The following WDR7 variants were observed in gnomAD, a reference collection of about 807,000 sequenced individuals.
WDR7 encodes the protein WD repeat-containing protein 7.
A neutral mutation model predicts 169.4 loss-of-function variants in WDR7; 46 were observed. The ratio of observed to expected loss-of-function variants is 0.27; its 90% CI spans 0.21 to 0.35. The LOEUF (loss-of-function observed/expected upper bound fraction) is 0.35. Ranked by LOEUF, WDR7 falls within the 10% of genes least tolerant of loss-of-function variation. The pLI is 1.00. For missense variants in WDR7, 1,534 were observed against 1,859.3 expected, an observed-to-expected ratio of 0.83 and a Z score of 3.22; for synonymous variants, 612 against 666.8, an observed-to-expected ratio of 0.92 and a Z score of 1.27.
chr18:56,879,601 T>C (rs1561211), intron 20 of WDR7, among the ~76,000 whole-genome samples: 103,043 of 151,978 alleles, frequency 0.68, 37,144 homozygotes, highest in East Asian at 0.84. Context: ...TGAAATCCTA[T>C]GTAAAATTTT....
chr18:56,706,390 G>A (rs986684822), intron 12 of WDR7, among the ~76,000 whole-genome samples: 7 of 152,164 alleles, frequency 4.6e-5, no homozygotes, highest in Non-Finnish European at 8.8e-5. Flanking sequence ...ACCGTCAATT[G>A]GTCAGTGAGA....
chr18:56,754,832 G>C (rs1244286901), intron 14 of WDR7, among the ~76,000 whole-genome samples: 1 of 152,026 alleles, frequency 6.6e-6, no homozygotes, highest in Non-Finnish European at 1.5e-5. Context: ...AAATATATTG[G>C]ATCAAACAAT....
intron 20 of WDR7, among the ~76,000 whole-genome samples, chr18:56,849,624 C>G (rs2045613841): frequency 6.6e-6 from 1 of 152,212 alleles, no homozygotes. Context: ...TTTGTAGTCT[C>G]TGATGTTCTT....
intron 16 of WDR7, among the ~76,000 whole-genome samples, chr18:56,759,461 G>A (rs1481305178): frequency 6.6e-6 from 1 of 152,044 alleles, no homozygotes; most frequent in African/African-American, 2.4e-5. Context: ...ATTAGGAGAT[G>A]GAGGAGAAGA....
intron 25 of WDR7, among the ~76,000 whole-genome samples, chr18:56,954,510 A>G (rs550709669): frequency 6.6e-6 from 1 of 152,274 alleles, no homozygotes; most frequent in East Asian, 1.9e-4. Flanking sequence ...AGAAAACTAT[A>G]TGTGAAGATC....
chr18:56,830,182 C>A (rs539612930), intron 20 of WDR7, among the ~76,000 whole-genome samples: 1 of 152,066 alleles, frequency 6.6e-6, no homozygotes, highest in African/African-American at 2.4e-5. Flanking sequence ...GTTTCAGTTG[C>A]GTTGATTTTG....
intron 20 of WDR7, among the ~76,000 whole-genome samples, chr18:56,819,539 A>G (rs769232761): frequency 5.9e-5 from 9 of 152,194 alleles, no homozygotes; most frequent in Non-Finnish European, 1.3e-4. Context: ...TAAATTATAT[A>G]TCATAGACAT....
chr18:56,870,779 G>T (rs1321745167), intron 20 of WDR7, among the ~76,000 whole-genome samples: 1 of 152,126 alleles, frequency 6.6e-6, no homozygotes, highest in Non-Finnish European at 1.5e-5. Flanking sequence ...GAGCCACCAT[G>T]CCCAGCCTCA....
At chr18:56,967,600 T>A (rs2047428388) in intron 26 of WDR7, among the ~76,000 whole-genome samples, 1 of 151,494 alleles carries the variant, frequency 6.6e-6, no homozygotes, top group Non-Finnish European at 1.5e-5. Flanking sequence ...ATCTCACTGA[T>A]TTCTAATCCT....
chr18:56,851,509 C>T (rs2045640470), intron 20 of WDR7, among the ~76,000 whole-genome samples: 1 of 152,184 alleles, frequency 6.6e-6, no homozygotes, highest in South Asian at 2.1e-4. Flanking sequence ...TCATACTTGT[C>T]TCTTTACTTG....
chr18:56,959,140 A>C (rs73444829), intron 25 of WDR7, among the ~76,000 whole-genome samples: 1,672 of 152,202 alleles, frequency 0.011, 32 homozygotes, highest in African/African-American at 0.038. Context: ...TGAGGGCACG[A>C]GCAATGGCAG....
At chr18:56,835,094 C>G (rs1483410996) in intron 20 of WDR7, among the ~76,000 whole-genome samples, 1 of 152,136 alleles carries the variant, frequency 6.6e-6, no homozygotes, top group Non-Finnish European at 1.5e-5. Context: ...TAAAGTAACC[C>G]TTTTGCAGTG....
At chr18:56,900,380 A>G (rs1490501274) in intron 21 of WDR7, among the ~76,000 whole-genome samples, 1 of 151,976 alleles carries the variant, frequency 6.6e-6, no homozygotes, top group Non-Finnish European at 1.5e-5. Flanking sequence ...TTGAAGGGAG[A>G]TGGAGAGGAA....
chr18:56,959,794 A>G (rs1262893348), intron 25 of WDR7, among the ~76,000 whole-genome samples: 1 of 152,172 alleles, frequency 6.6e-6, no homozygotes, highest in Non-Finnish European at 1.5e-5. Flanking sequence ...GGAGCAAGTA[A>G]TGCATCTTGC....
Position 56,691,804 on chromosome 18 carries a change from G to A in WDR7, c.953G>A (p.Arg318Gln), listed in dbSNP as rs148417337. 1.5e-5 allele frequency: 24 copies of A among 1,607,890 alleles called. No homozygotes were observed. In the African/African-American group the frequency reaches 2.0e-4, roughly 13 times the overall value. The change falls in exon 9 of 28, where the codon CGA (arginine) becomes CAA (glutamine). Residue 318 changes from arginine to glutamine, a missense_variant. Physicochemically the swap from Arg to Gln is conservative, Grantham distance 43. Coordinates refer to ENST00000254442, the MANE Select transcript of WDR7 (RefSeq NM_015285.3). ...CCTGTACAACATATCCTCTTGGATC[G>A]AAAAGATAAAGAGGTAAAATTCTTG... The part of the protein sequence containing the change: ...IPPVQHILLD[R>Q]KDKELLICPP...
intron 26 of WDR7, among the ~76,000 whole-genome samples, chr18:56,967,697 A>C (rs1196992865): frequency 6.6e-6 from 1 of 152,210 alleles, no homozygotes; most frequent in African/African-American, 2.4e-5. Flanking sequence ...TGAAGTTTGT[A>C]CAGTCATCCT....
At chr18:57,019,979 C>T (rs574447898) in intron 26 of WDR7, among the ~76,000 whole-genome samples, 1 of 152,256 alleles carries the variant, frequency 6.6e-6, no homozygotes, top group Admixed American at 6.5e-5. Flanking sequence ...GCTTAGTATC[C>T]AATGTCTTCT....
chr18:56,723,990 C>T (rs2026380888), intron 13 of WDR7, among the ~76,000 whole-genome samples: 1 of 151,492 alleles, frequency 6.6e-6, no homozygotes, highest in Admixed American at 6.6e-5. Context: ...ATTTTTCATC[C>T]CAAACACTGT....
At chr18:56,685,126 A>G (rs1426292014) in intron 5 of WDR7, among the ~76,000 whole-genome samples, 2 of 152,198 alleles carry the variant, frequency 1.3e-5, no homozygotes, top group African/African-American at 4.8e-5. Flanking sequence ...TGTGATATTG[A>G]TAAGGTTTTT....
Sources: gnomAD v4.1 joint callset for allele counts (sites outside exome capture counted in the v4.1 genomes callset) on GRCh38, gnomAD v4.1.1 for gene constraint, MANE v1.5 for transcripts, NCBI Gene and HGNC (gene_info 2026-07-23, HGNC 2026-07-21) for gene names.